NELFB: variants seen among roughly 807,000 people sequenced by gnomAD.
The protein encoded by NELFB is negative elongation factor B.
Under a neutral mutation model 60.2 loss-of-function variants are expected in NELFB, and 34 were observed. That is an observed-to-expected ratio of 0.56 (90% CI 0.43 to 0.75). The LOEUF (loss-of-function observed/expected upper bound fraction) is 0.75, where lower values mean the gene tolerates loss of function less well. NELFB is among the 30% of genes least tolerant of loss of function. The pLI, the probability that NELFB is intolerant of heterozygous loss-of-function variation, is 0.00. For missense variants in NELFB, 770 were observed against 831.6 expected, an observed-to-expected ratio of 0.93 and a Z score of 0.91; for synonymous variants, 459 against 382.1, an observed-to-expected ratio of 1.20 and a Z score of -2.35.
intron 5 of NELFB, 58 bp downstream of exon 5, chr9:137,263,280 C>A (rs1830476656): frequency 6.7e-7 from 1 of 1,486,898 alleles, no homozygotes; most frequent in Non-Finnish European, 9.1e-7. Context: ...TGCCCTCCCT[C>A]CCTCCTTCCC....
chr9:137,268,065 A>G (rs1224338009), intron 10 of NELFB, among the ~76,000 whole-genome samples: 1 of 151,710 alleles, frequency 6.6e-6, no homozygotes, highest in Non-Finnish European at 1.5e-5. Flanking sequence ...GAAGAAGAGG[A>G]AGGGTCCAAA....
Position 137,257,059 on chromosome 9 carries a change from G to T in NELFB, c.741+5G>T. On this transcript the variant is annotated splice_donor_5th_base_variant and intron_variant, in intron 4 of 12. Coordinates refer to ENST00000343053, the MANE Select transcript of NELFB (RefSeq NM_015456.5). The stretch of plus-strand genomic sequence containing the variant: ...AAGACCAGGCGCCAGGGCGAGGTGA[G>T]GGGACAGGCCGTGTGCGGGGTGGGG... The T allele has an allele frequency of 6.2e-7, 1 of 1,609,492 alleles. No homozygotes were observed.
At chr9:137,264,813 C>T (rs1422639605) in intron 6 of NELFB, among the ~76,000 whole-genome samples, 4 of 152,080 alleles carry the variant, frequency 2.6e-5, no homozygotes, top group South Asian at 2.1e-4. Context: ...TGGCCCACAG[C>T]TTAGGGACAT....
chr9:137,267,434 C>G lies in NELFB; in HGVS notation c.1489+88C>G, dbSNP rs1247910568. The G allele has an allele frequency of 8.9e-6, 10 of 1,125,720 alleles. No homozygotes were observed. The Admixed American group carries it at 1.6e-4, about 18-fold the overall frequency. The allele number at this position is 1,125,720 out of a possible 1,614,324, so 69.7% of individuals were successfully genotyped here. A position where few individuals can be genotyped will look rare whatever the true frequency, so the allele number is the denominator to read the frequency against. On this transcript the variant is annotated intron_variant, in intron 10 of 12. Transcript: ENST00000343053. ...GCCCAGGGTGCGGGCCCCAGGGCCC[C>G]CAGGAGCTGCCTTGTCTCCCCAGCC... is the stretch of plus-strand genomic sequence containing the variant.
chr9:137,263,364 TCTCCCTTCTCCCCCGCTCCCCGGCC>T, intron 5 of NELFB, 142 bp downstream of exon 5: 2 of 366,938 alleles, frequency 5.5e-6, no homozygotes, highest in Non-Finnish European at 4.4e-6. Context: ...CCTCCCTCCT[TCTCCCTTCTCCCCCGCTCCCCGGCC>T]CTCCCTCCTC....
chr9:137,271,785 G>A (rs1400926589), intron 10 of NELFB, among the ~76,000 whole-genome samples: 1 of 150,860 alleles, frequency 6.6e-6, no homozygotes, highest in African/African-American at 2.4e-5. Context: ...CTGTCCCCGG[G>A]CTGTCTCCCC....
intron 2 of NELFB, 29 bp downstream of exon 2, chr9:137,256,099 A>T (rs1250736259): frequency 6.2e-7 from 1 of 1,602,346 alleles, no homozygotes; most frequent in Non-Finnish European, 8.5e-7. Flanking sequence ...TGGGCAGGTG[A>T]GATGTGCAGC....
intron 4 of NELFB, among the ~76,000 whole-genome samples, chr9:137,259,553 C>T (rs1830398541): frequency 1.3e-5 from 2 of 152,172 alleles, no homozygotes; most frequent in African/African-American, 4.8e-5. Context: ...CCTGTCTCTT[C>T]TGGTGACTTG....
chr9:137,263,577 G>A (rs1297390181), intron 5 of NELFB, among the ~76,000 whole-genome samples: 2 of 150,238 alleles, frequency 1.3e-5, no homozygotes, highest in East Asian at 2.0e-4. Flanking sequence ...CCACCTGGGC[G>A]CCCTTCTCTC....
intron 7 of NELFB, 61 bp downstream of exon 7, chr9:137,266,040 G>T (rs981380508): frequency 4.5e-6 from 6 of 1,321,068 alleles, no homozygotes; most frequent in Non-Finnish European, 6.5e-6. Flanking sequence ...GGCTGCTCTG[G>T]GTGGTCAGGG....
Position 137,266,415 on chromosome 9 carries a change from G to A in NELFB, c.1228G>A (p.Glu410Lys). 6.2e-7 allele frequency: 1 copy of A among 1,612,842 alleles called. No homozygotes were observed. The highest frequency in any genetic ancestry group is 8.5e-7 in the Non-Finnish European group (1 of 1,179,894). Residue 410 changes from glutamate (E) to lysine (K), a missense_variant, in exon 8 of 13, where the codon GAG (glutamate) becomes AAG (lysine). Transcript: ENST00000343053. Reference sequence around the variant, plus strand: ...CATGATCGACAGCCAGGTCTTCAAGGAGCCCAAGATGGTAACGAGCCTCCT... The same window carrying A: ...CATGATCGACAGCCAGGTCTTCAAGAAGCCCAAGATGGTAACGAGCCTCCT...
chr9:137,258,145 A>G (rs1378694601), intron 4 of NELFB, among the ~76,000 whole-genome samples: 4 of 109,320 alleles, frequency 3.7e-5, no homozygotes, highest in Admixed American at 2.2e-4. Context: ...TTTTTTTGAG[A>G]CAGGGTCTCA....
At position 137,257,021 on chromosome 9, in the gene NELFB, C is replaced by T; in HGVS notation, c.708C>T (p.Phe236=). Residue 236 remains phenylalanine (F), a synonymous_variant, in exon 4 of 13, where the codon TTC becomes TTT. Transcript: ENST00000343053. ...AGCTCTCTGTCCTGCACAACTTTTT[C>T]AGTCCTTCCCCCAAGACCAGGCGCC... 1.2e-6 allele frequency: 2 copies of T among 1,613,368 alleles called. No homozygotes were observed. Among genetic ancestry groups the T allele is most frequent in the African/African-American group, 1.3e-5 (1 of 75,070 alleles).
chr9:137,265,441 T>C (rs542756059), intron 6 of NELFB, among the ~76,000 whole-genome samples: 9 of 124,284 alleles, frequency 7.2e-5, no homozygotes, highest in African/African-American at 1.2e-4. Flanking sequence ...CAGGCTGGAG[T>C]GCAGTGACGC....
chr9:137,267,468 A>C, intron 10 of NELFB, 122 bp downstream of exon 10: 6 of 688,676 alleles, frequency 8.7e-6, no homozygotes, highest in East Asian at 2.9e-5. Flanking sequence ...CCCACCTCCA[A>C]CTTTGCTAGC....
intron 4 of NELFB, among the ~76,000 whole-genome samples, chr9:137,259,585 G>C (rs1012466536): frequency 2.0e-5 from 3 of 152,120 alleles, no homozygotes; most frequent in African/African-American, 4.8e-5. Context: ...ACTGATTTCT[G>C]TCTGTAAGGG....
rs1193001340 is a variant in NELFB, at chr9:137,256,551, T to A, written c.510+123T>A. Reference sequence around the variant, plus strand: ...TCCTGTGCTGCCTGCCCAAGTGCTGTCCATGGTGAGCTCTGTGCTGACTTC... The same window carrying A: ...TCCTGTGCTGCCTGCCCAAGTGCTGACCATGGTGAGCTCTGTGCTGACTTC... On this transcript the variant is annotated intron_variant, in intron 3 of 12. Transcript: ENST00000343053. 3 of 869,056 alleles carry A rather than the reference T, an allele frequency of 3.5e-6. No homozygotes were observed. The African/African-American group carries it at 4.9e-5, about 14-fold the overall frequency. The allele number at this position is 869,056 out of a possible 1,614,324, so 53.8% of individuals were successfully genotyped here. A position where few individuals can be genotyped will look rare whatever the true frequency, so the allele number is the denominator to read the frequency against.
intron 4 of NELFB, among the ~76,000 whole-genome samples, chr9:137,259,586 T>G (rs1025084690): frequency 2.6e-5 from 4 of 152,234 alleles, no homozygotes; most frequent in Admixed American, 1.3e-4. Flanking sequence ...CTGATTTCTG[T>G]CTGTAAGGGA....
At position 137,265,982 on chromosome 9, in the gene NELFB, G is replaced by A; in HGVS notation, c.1143+3G>A. 6.2e-7 allele frequency: 1 copy of A among 1,606,308 alleles called. No individual in the cohort carries two copies. Among genetic ancestry groups the A allele is most frequent in the Non-Finnish European group, 8.5e-7 (1 of 1,174,228 alleles). On this transcript the variant is annotated splice_donor_region_variant and intron_variant, in intron 7 of 12. Coordinates refer to ENST00000343053, the MANE Select transcript of NELFB (RefSeq NM_015456.5). Reference sequence around the variant, plus strand: ...TCGGCCAGGAGACACTGCCCAGGGTGAGTGTGGGCTTGGCCAGCAGCTGTC... The same window carrying A: ...TCGGCCAGGAGACACTGCCCAGGGTAAGTGTGGGCTTGGCCAGCAGCTGTC...
Sources: gnomAD v4.1 joint callset for allele counts (sites outside exome capture counted in the v4.1 genomes callset) on GRCh38, gnomAD v4.1.1 for gene constraint, MANE v1.5 for transcripts, NCBI Gene and HGNC (gene_info 2026-07-23, HGNC 2026-07-21) for gene names.